Variants in SLC35F1 observed in about 807,000 individuals in gnomAD.
The protein encoded by SLC35F1 is solute carrier family 35 member F1.
A neutral mutation model predicts 48.7 loss-of-function variants in SLC35F1; 14 were observed. The ratio of observed to expected loss-of-function variants is 0.29; its 90% CI spans 0.19 to 0.45. The LOEUF (loss-of-function observed/expected upper bound fraction) is 0.45. Among genes scored for constraint, SLC35F1 ranks in the 20% least tolerant of loss-of-function variants. The probability of loss-of-function intolerance (pLI) is 1.00; values close to 1 mark genes in which losing one functional copy is unlikely to be tolerated. For synonymous variants in SLC35F1, 190 were observed against 202.2 expected (o/e 0.94, Z 0.51); for missense variants, 404 against 500.0 (o/e 0.81, Z 1.83).
intron 1 of SLC35F1, among the ~76,000 whole-genome samples, chr6:118,095,706 T>G (rs558636258): frequency 6.6e-6 from 1 of 152,058 alleles, no homozygotes; most frequent in African/African-American, 2.4e-5. Context: ...ACATACACAA[T>G]AGGGCACTCA....
chr6:118,032,036 G>A (rs1231964116), intron 1 of SLC35F1, among the ~76,000 whole-genome samples: 2 of 152,156 alleles, frequency 1.3e-5, no homozygotes, highest in Non-Finnish European at 2.9e-5. Flanking sequence ...AACAAAGCAT[G>A]AAGTTCTTAT....
At chr6:118,095,007 A>G (rs935871436) in intron 1 of SLC35F1, among the ~76,000 whole-genome samples, 65 of 150,972 alleles carry the variant, frequency 4.3e-4, no homozygotes, top group Non-Finnish European at 7.4e-4. Flanking sequence ...TGGTGTGTGC[A>G]TATGATTCGA....
chr6:117,923,752 T>TATGTAC (rs1554216757), intron 1 of SLC35F1, among the ~76,000 whole-genome samples: 1 of 57,004 alleles, frequency 1.8e-5, no homozygotes, highest in African/African-American at 4.9e-5. Context: ...TATATGTACA[T>TATGTAC]ATATACATAT....
chr6:117,937,589 C>T (rs1216993940), intron 1 of SLC35F1, among the ~76,000 whole-genome samples: 1 of 152,112 alleles, frequency 6.6e-6, no homozygotes, highest in East Asian at 1.9e-4. Context: ...AAATACTGTA[C>T]CCAGCAGGCC....
chr6:118,234,475 G>A (rs1775336314), intron 2 of SLC35F1, among the ~76,000 whole-genome samples: 1 of 152,168 alleles, frequency 6.6e-6, no homozygotes, highest in Non-Finnish European at 1.5e-5. Flanking sequence ...CCATGTGAGT[G>A]AGCTTGGAAG....
At chr6:118,249,584 T>C (rs997765215) in intron 3 of SLC35F1, among the ~76,000 whole-genome samples, 1 of 152,226 alleles carries the variant, frequency 6.6e-6, no homozygotes, top group Admixed American at 6.5e-5. Flanking sequence ...CCATTGGCAA[T>C]GCATTTGAGG....
chr6:118,093,536 T>C (rs1362729915), intron 1 of SLC35F1, among the ~76,000 whole-genome samples: 1 of 152,172 alleles, frequency 6.6e-6, no homozygotes, highest in Non-Finnish European at 1.5e-5. Context: ...ATTGGTTTTA[T>C]AAAGGGAACT....
intron 3 of SLC35F1, among the ~76,000 whole-genome samples, chr6:118,256,251 T>TGC (rs1298026068): frequency 7.5e-6 from 1 of 133,262 alleles, no homozygotes; most frequent in Non-Finnish European, 1.7e-5. Flanking sequence ...TGTGTGTGTG[T>TGC]GTGACTGAAG....
rs144695387 is a variant in SLC35F1, at chr6:118,061,984, T to C, written c.174-92461T>C. Among the ~76,000 whole-genome samples the C allele has an allele frequency of 7.6e-3, 1,152 of 152,192 alleles. 11 individuals carry two copies. Among genetic ancestry groups the C allele is most frequent in the Middle Eastern group, 0.024 (7 of 294 alleles). ...CCACGGACTGGTACCGGTCTGAGAG[T>C]TGGCGACCCCTGGCTTAAACCATAG... On this transcript the variant is annotated intron_variant, in intron 1 of 7. Transcript: ENST00000360388.
chr6:118,111,319 C>T (rs1015232575), intron 1 of SLC35F1, among the ~76,000 whole-genome samples: 1 of 152,092 alleles, frequency 6.6e-6, no homozygotes. Context: ...AAACCAAAGA[C>T]AAAGAAAATC....
At chr6:118,147,371 A>T (rs1773989455) in intron 1 of SLC35F1, among the ~76,000 whole-genome samples, 1 of 152,200 alleles carries the variant, frequency 6.6e-6, no homozygotes, top group African/African-American at 2.4e-5. Context: ...CAGGGGACAC[A>T]GGGCCCCTGG....
At chr6:117,913,160 A>C (rs1775784309) in intron 1 of SLC35F1, among the ~76,000 whole-genome samples, 1 of 152,250 alleles carries the variant, frequency 6.6e-6, no homozygotes, top group African/African-American at 2.4e-5. Context: ...GCCAATGAGC[A>C]TGCCCTGTAC....
At chr6:118,272,767 A>ATATATATATATATATATAGATATATATG (rs1289997076) in intron 4 of SLC35F1, among the ~76,000 whole-genome samples, 1 of 136,070 alleles carries the variant, frequency 7.3e-6, no homozygotes, top group African/African-American at 2.9e-5. Flanking sequence ...ATATATATGT[A>ATATATATATATATATATAGATATATATG]TATATATATA....
chr6:118,243,822 T>G (rs1775470752), intron 3 of SLC35F1, among the ~76,000 whole-genome samples: 1 of 152,228 alleles, frequency 6.6e-6, no homozygotes, highest in African/African-American at 2.4e-5. Context: ...CTATATTTTC[T>G]TCTTTATCCT....
At chr6:118,278,237 A>G (rs17079943) in intron 6 of SLC35F1, among the ~76,000 whole-genome samples, 6,083 of 152,262 alleles carry the variant, frequency 0.04, 421 homozygotes, top group African/African-American at 0.14. Flanking sequence ...CTACCCTCAG[A>G]AGGTGTCTCC....
chr6:118,251,738 G>C (rs1048846473), intron 3 of SLC35F1, among the ~76,000 whole-genome samples: 1 of 152,126 alleles, frequency 6.6e-6, no homozygotes, highest in African/African-American at 2.4e-5. Context: ...CTTATTCGGT[G>C]TGTGAGTGAA....
intron 1 of SLC35F1, among the ~76,000 whole-genome samples, chr6:118,015,086 C>T (rs906768032): frequency 6.6e-6 from 1 of 152,196 alleles, no homozygotes; most frequent in Non-Finnish European, 1.5e-5. Flanking sequence ...TTTTGCTTGG[C>T]TCTCATTCTC....
chr6:118,140,240 C>T (rs903056157), intron 1 of SLC35F1, among the ~76,000 whole-genome samples: 1 of 152,142 alleles, frequency 6.6e-6, no homozygotes, highest in Non-Finnish European at 1.5e-5. Flanking sequence ...GAAGTTGCGT[C>T]TTGGTTCAGG....
At chr6:118,121,750 T>C (rs1356052457) in intron 1 of SLC35F1, among the ~76,000 whole-genome samples, 1 of 152,214 alleles carries the variant, frequency 6.6e-6, no homozygotes, top group Admixed American at 6.5e-5. Flanking sequence ...TCTTTCTCTT[T>C]TGTCTTTTGC....
Sources: gnomAD v4.1 joint callset for allele counts (sites outside exome capture counted in the v4.1 genomes callset) on GRCh38, gnomAD v4.1.1 for gene constraint, MANE v1.5 for transcripts, NCBI Gene and HGNC (gene_info 2026-07-23, HGNC 2026-07-21) for gene names.